Variants in LHFPL6 observed in about 807,000 individuals in gnomAD.
LHFPL6 encodes LHFPL tetraspan subfamily member 6 protein.
Under a neutral mutation model 20.6 loss-of-function variants are expected in LHFPL6, and 9 were observed. That is an observed-to-expected ratio of 0.44 (90% CI 0.26 to 0.76). The LOEUF (loss-of-function observed/expected upper bound fraction) is 0.76, where lower values mean the gene tolerates loss of function less well. Ranked by LOEUF, LHFPL6 falls within the 30% of genes least tolerant of loss-of-function variation. LHFPL6 has a pLI of 0.20. For synonymous variants in LHFPL6, 105 were observed against 98.7 expected (o/e 1.06, Z -0.38); for missense variants, 218 against 253.5 (o/e 0.86, Z 0.95).
intron 2 of LHFPL6, among the ~76,000 whole-genome samples, chr13:39,570,699 T>A (rs1871886369): frequency 6.6e-6 from 1 of 152,166 alleles, no homozygotes; most frequent in African/African-American, 2.4e-5. Context: ...CTCTGGTAGA[T>A]ATAAAATAGT....
intron 2 of LHFPL6, among the ~76,000 whole-genome samples, chr13:39,575,045 T>C (rs1872070360): frequency 6.6e-6 from 1 of 151,876 alleles, no homozygotes; most frequent in Non-Finnish European, 1.5e-5. Flanking sequence ...CACTTTGGCC[T>C]CGCGACAGAG....
chr13:39,537,122 T>C (rs866172447), intron 2 of LHFPL6, among the ~76,000 whole-genome samples: 1 of 152,238 alleles, frequency 6.6e-6, no homozygotes, highest in Non-Finnish European at 1.5e-5. Flanking sequence ...CATGGTTCTC[T>C]GTTTGCAGTG....
intron 2 of LHFPL6, among the ~76,000 whole-genome samples, chr13:39,476,322 G>A (rs914724747): frequency 3.3e-5 from 5 of 152,078 alleles, no homozygotes; most frequent in Non-Finnish European, 7.3e-5. Flanking sequence ...GAGCAACCGC[G>A]CCCAGCCTGA....
chr13:39,392,241 T>C (rs1416251215), intron 2 of LHFPL6, among the ~76,000 whole-genome samples: 1 of 152,156 alleles, frequency 6.6e-6, no homozygotes, highest in East Asian at 1.9e-4. Context: ...ATGACTCATA[T>C]CTTTTCAAAT....
intron 3 of LHFPL6, among the ~76,000 whole-genome samples, chr13:39,358,562 G>T (rs1405051057): frequency 6.6e-6 from 1 of 150,380 alleles, no homozygotes; most frequent in African/African-American, 2.4e-5. Context: ...AACTAAAGAG[G>T]TTTTGCATAA....
At chr13:39,582,163 G>A (rs1479052564) in intron 2 of LHFPL6, among the ~76,000 whole-genome samples, 2 of 152,066 alleles carry the variant, frequency 1.3e-5, no homozygotes, top group Non-Finnish European at 1.5e-5. Context: ...CAAAAGCAGC[G>A]GCCTCATTCT....
At position 39,442,817 on chromosome 13, in the gene LHFPL6, C is replaced by T. The variant is rs539898675; in HGVS notation, c.386-64291G>A. Among the ~76,000 whole-genome samples the T allele has an allele frequency of 3.9e-5, 6 of 152,254 alleles. No homozygotes were observed. In the South Asian group the frequency reaches 6.2e-4, roughly 16 times the overall value. On this transcript the variant is annotated intron_variant, in intron 2 of 3. Coordinates refer to ENST00000379589, the MANE Select transcript of LHFPL6 (RefSeq NM_005780.3). Reference sequence around the variant, plus strand: ...ATCTCCTTCTTAAAACTCCATCCCTCGCTTTTATGGTGAGAACAACTCAGG... The same window carrying T: ...ATCTCCTTCTTAAAACTCCATCCCTTGCTTTTATGGTGAGAACAACTCAGG...
At chr13:39,356,322 A>G (rs1170100399) in intron 3 of LHFPL6, among the ~76,000 whole-genome samples, 1 of 152,214 alleles carries the variant, frequency 6.6e-6, no homozygotes, top group Non-Finnish European at 1.5e-5. Context: ...CTTTTAAATC[A>G]ATGAAAACAG....
intron 2 of LHFPL6, among the ~76,000 whole-genome samples, chr13:39,470,615 T>C (rs1445835530): frequency 6.6e-6 from 1 of 152,158 alleles, no homozygotes; most frequent in Non-Finnish European, 1.5e-5. Flanking sequence ...GAATGAGTAC[T>C]CCCATAAATT....
chr13:39,440,456 C>T (rs529143083), intron 2 of LHFPL6, among the ~76,000 whole-genome samples: 60 of 152,188 alleles, frequency 3.9e-4, no homozygotes, highest in Admixed American at 2.5e-3. Flanking sequence ...AAGTGAGATA[C>T]GAGTCTTTAT....
chr13:39,470,898 C>T (rs1872927059), intron 2 of LHFPL6, among the ~76,000 whole-genome samples: 1 of 152,200 alleles, frequency 6.6e-6, no homozygotes, highest in Non-Finnish European at 1.5e-5. Context: ...TGGTTACCTC[C>T]TTCTCCCTCT....
intron 2 of LHFPL6, among the ~76,000 whole-genome samples, chr13:39,421,196 G>T (rs1871475634): frequency 6.6e-6 from 1 of 152,164 alleles, no homozygotes; most frequent in South Asian, 2.1e-4. Context: ...AAAGGCAAAA[G>T]ATTGAAAGTA....
rs558530134 is a variant in LHFPL6, at chr13:39,441,673, C to A, written c.386-63147G>T. Among the ~76,000 whole-genome samples the A allele has an allele frequency of 1.3e-4, 19 of 151,346 alleles. No homozygotes were observed. The East Asian group carries it at 3.3e-3, about 26-fold the overall frequency. On this transcript the variant is annotated intron_variant, in intron 2 of 3. Coordinates refer to ENST00000379589, the MANE Select transcript of LHFPL6 (RefSeq NM_005780.3). ...GACTACAGGCACATGCCACCATGCC[C>A]AGCTAATTACTGTATTTTTTTGTAG...
At chr13:39,357,877 T>C (rs563142303) in intron 3 of LHFPL6, among the ~76,000 whole-genome samples, 1 of 152,230 alleles carries the variant, frequency 6.6e-6, no homozygotes, top group South Asian at 2.1e-4. Context: ...CATTCCATGC[T>C]CATAAATTGG....
chr13:39,488,102 T>C (rs1009769550), intron 2 of LHFPL6, among the ~76,000 whole-genome samples: 2 of 152,150 alleles, frequency 1.3e-5, no homozygotes, highest in African/African-American at 4.8e-5. Context: ...CCCACCTTCA[T>C]GAACGGGATT....
chr13:39,554,794 C>A (rs1010874617), intron 2 of LHFPL6, among the ~76,000 whole-genome samples: 1 of 152,058 alleles, frequency 6.6e-6, no homozygotes, highest in Non-Finnish European at 1.5e-5. Flanking sequence ...CCCTGAACAC[C>A]TTGAATATGC....
chr13:39,547,207 G>A (rs935402645), intron 2 of LHFPL6, among the ~76,000 whole-genome samples: 5 of 151,876 alleles, frequency 3.3e-5, no homozygotes, highest in African/African-American at 1.2e-4. Context: ...TATTTTATGG[G>A]GAAAAAAATC....
intron 2 of LHFPL6, among the ~76,000 whole-genome samples, chr13:39,425,128 A>C (rs1235952840): frequency 6.6e-6 from 1 of 152,164 alleles, no homozygotes; most frequent in African/African-American, 2.4e-5. Context: ...ATAACAGGTT[A>C]GTTTGTATTC....
At chr13:39,532,557 C>A (rs1347869164) in intron 2 of LHFPL6, among the ~76,000 whole-genome samples, 1 of 151,958 alleles carries the variant, frequency 6.6e-6, no homozygotes, top group South Asian at 2.1e-4. Flanking sequence ...ATGTATATAT[C>A]CCATGGGACC....
Sources: allele counts gnomAD v4.1 joint callset (sites outside exome capture counted in the v4.1 genomes callset), GRCh38; gene constraint gnomAD v4.1.1; transcripts MANE v1.5; gene names NCBI Gene and HGNC (gene_info 2026-07-23, HGNC 2026-07-21).